The following RBFOX1 variants were observed in gnomAD, a reference collection of about 807,000 sequenced individuals.
RBFOX1 encodes RNA binding fox-1 homolog 1.
RBFOX1 carries 8 observed loss-of-function variants against 57.7 expected under a neutral mutation model. The observed-to-expected ratio is 0.14, with a 90% CI of 0.08 to 0.25. The LOEUF (loss-of-function observed/expected upper bound fraction) is 0.25. RBFOX1 is among the 10% of genes least tolerant of loss of function. The probability of loss-of-function intolerance (pLI) is 1.00; values close to 1 mark genes in which losing one functional copy is unlikely to be tolerated. For synonymous variants in RBFOX1, 326 were observed against 222.4 expected (o/e 1.47, Z -4.15); for missense variants, 611 against 548.5 (o/e 1.11, Z -1.14).
At chr16:5,522,489 A>G (rs1238680399) in intron 2 of RBFOX1, among the ~76,000 whole-genome samples, 2 of 152,238 alleles carry the variant, frequency 1.3e-5, no homozygotes, top group African/African-American at 2.4e-5. Context: ...AGTGATCAGG[A>G]TGGGGTACCT....
At chr16:5,330,707 CTT>C (rs772757574) in intron 1 of RBFOX1, among the ~76,000 whole-genome samples, 37 of 134,784 alleles carry the variant, frequency 2.7e-4, no homozygotes, top group Admixed American at 2.3e-4. Context: ...GCCCAGCCTA[CTT>C]TTTTTTTTTT....
intron 11 of RBFOX1, among the ~76,000 whole-genome samples, chr16:7,646,155 A>G (rs1394494390): frequency 1.3e-5 from 2 of 152,206 alleles, no homozygotes; most frequent in Middle Eastern, 3.2e-3. Context: ...TTCGTTCTGA[A>G]AAAGGAGAAA....
At chr16:6,545,694 G>T (rs1264584651) in intron 2 of RBFOX1, among the ~76,000 whole-genome samples, 1 of 152,208 alleles carries the variant, frequency 6.6e-6, no homozygotes, top group Admixed American at 6.5e-5. Flanking sequence ...CATGTTAGTG[G>T]CATTGCTGAA....
intron 4 of RBFOX1, among the ~76,000 whole-genome samples, chr16:7,225,853 T>C (rs564748580): frequency 6.1e-5 from 9 of 147,582 alleles, no homozygotes; most frequent in South Asian, 2.2e-4. Context: ...TGTATACATA[T>C]GTAACAAACC....
At chr16:5,944,630 G>A (rs578222840) in intron 4 of RBFOX1, among the ~76,000 whole-genome samples, 26 of 151,178 alleles carry the variant, frequency 1.7e-4, no homozygotes, top group African/African-American at 6.1e-4. Flanking sequence ...TACTGTCCCC[G>A]CCATTGTCAC....
chr16:7,486,303 T>TG (rs1271141396), intron 4 of RBFOX1, among the ~76,000 whole-genome samples: 1 of 148,378 alleles, frequency 6.7e-6, no homozygotes, highest in Non-Finnish European at 1.5e-5. Context: ...GGTTCATTTT[T>TG]GTTTTTTTTG....
intron 4 of RBFOX1, among the ~76,000 whole-genome samples, chr16:7,460,943 T>C (rs914589753): frequency 2.0e-5 from 3 of 152,086 alleles, no homozygotes; most frequent in Non-Finnish European, 4.4e-5. Context: ...TTGAGACCCA[T>C]CAACATGGAA....
At chr16:6,749,270 C>G (rs1309388891) in intron 3 of RBFOX1, among the ~76,000 whole-genome samples, 6 of 152,080 alleles carry the variant, frequency 3.9e-5, no homozygotes, top group African/African-American at 1.4e-4. Context: ...CTCATTGGTA[C>G]AGAAAGTCAG....
intron 4 of RBFOX1, among the ~76,000 whole-genome samples, chr16:7,475,972 T>G (rs2062604749): frequency 6.6e-6 from 1 of 152,078 alleles, no homozygotes; most frequent in Non-Finnish European, 1.5e-5. Flanking sequence ...ATTTTATTTA[T>G]TTTTTATTTT....
chr16:5,699,317 T>C (rs981994006), intron 3 of RBFOX1, among the ~76,000 whole-genome samples: 1 of 152,082 alleles, frequency 6.6e-6, no homozygotes, highest in Non-Finnish European at 1.5e-5. Context: ...TATTTACATA[T>C]ATTGTGATAT....
chr16:5,627,181 A>C (rs1327915303), intron 3 of RBFOX1, among the ~76,000 whole-genome samples: 1 of 152,220 alleles, frequency 6.6e-6, no homozygotes, highest in Non-Finnish European at 1.5e-5. Context: ...GTTCAGCTTC[A>C]TGGCTCTGTA....
chr16:6,039,650 G>A (rs2095414824), intron 1 of RBFOX1, among the ~76,000 whole-genome samples: 1 of 152,156 alleles, frequency 6.6e-6, no homozygotes, highest in African/African-American at 2.4e-5. Context: ...GTTATTTTGA[G>A]GAAAGTTACA....
At chr16:6,395,803 G>T (rs2011700) in intron 2 of RBFOX1, among the ~76,000 whole-genome samples, 1 of 151,718 alleles carries the variant, frequency 6.6e-6, no homozygotes, top group Non-Finnish European at 1.5e-5. Flanking sequence ...AGTAGCTCAC[G>T]CTTGTAATCC....
At chr16:6,859,159 A>G (rs1404432605) in intron 3 of RBFOX1, among the ~76,000 whole-genome samples, 59 of 88,402 alleles carry the variant, frequency 6.7e-4, no homozygotes, top group African/African-American at 3.0e-3. Flanking sequence ...ATATGTATAT[A>G]TATACGTATA....
intron 2 of RBFOX1, among the ~76,000 whole-genome samples, chr16:6,447,227 C>T (rs1467967715): frequency 2.6e-5 from 4 of 152,008 alleles, no homozygotes; most frequent in Non-Finnish European, 5.9e-5. Flanking sequence ...ATTTCTTGTA[C>T]AGTGGAGTTA....
At chr16:6,204,776 T>C (rs1209035238) in intron 1 of RBFOX1, among the ~76,000 whole-genome samples, 1 of 152,184 alleles carries the variant, frequency 6.6e-6, no homozygotes, top group African/African-American at 2.4e-5. Flanking sequence ...TTATTGACAA[T>C]GGATGCCTTT....
intron 3 of RBFOX1, among the ~76,000 whole-genome samples, chr16:6,724,195 G>A (rs2066620442): frequency 6.7e-6 from 1 of 150,226 alleles, no homozygotes; most frequent in Non-Finnish European, 1.5e-5. Flanking sequence ...AGGACGGCGA[G>A]AAGGCATCTT....
Position 5,792,246 on chromosome 16 carries a change from G to T in RBFOX1, c.319-75057G>T, listed in dbSNP as rs192890576. 8.0e-4 allele frequency among the ~76,000 whole-genome samples: 122 copies of T among 152,290 alleles called. 1 individual carries two copies. Among genetic ancestry groups the T allele is most frequent in the Non-Finnish European group, 2.9e-5 (2 of 68,026 alleles). ...GGCTTCTCTGTAAATGGTCAGTTCT[G>T]TTGTTATTCCTGTTCCAGCCCTCTG... On this transcript the variant is annotated intron_variant, in intron 3 of 19. Coordinates refer to the RBFOX1 transcript ENST00000641259.
intron 3 of RBFOX1, among the ~76,000 whole-genome samples, chr16:6,929,231 C>A (rs144482211): frequency 8.5e-5 from 13 of 152,108 alleles, no homozygotes; most frequent in Admixed American, 3.3e-4. Flanking sequence ...GGATCCTACC[C>A]TTTATGACAG....
Sources: allele counts gnomAD v4.1 joint callset (sites outside exome capture counted in the v4.1 genomes callset), GRCh38; gene constraint gnomAD v4.1.1; transcripts MANE v1.5; gene names NCBI Gene and HGNC (gene_info 2026-07-23, HGNC 2026-07-21).